Variants in PRR27 observed in about 807,000 individuals in gnomAD.
PRR27 encodes proline-rich protein 27.
A neutral mutation model predicts 16.8 loss-of-function variants in PRR27; 12 were observed. The ratio of observed to expected loss-of-function variants is 0.71; its 90% CI spans 0.46 to 1.16. PRR27 has a LOEUF of 1.16. Among genes scored for constraint, PRR27 ranks in the 50% most tolerant of loss-of-function variants. The probability of loss-of-function intolerance (pLI) is 0.00; values close to 1 mark genes in which losing one functional copy is unlikely to be tolerated. For missense variants in PRR27, 277 were observed against 273.3 expected, an observed-to-expected ratio of 1.01 and a Z score of -0.10; for synonymous variants, 100 against 98.4, an observed-to-expected ratio of 1.02 and a Z score of -0.10.
chr4:70,158,677 C>CA lies in PRR27; in HGVS notation c.426dup (p.Pro143ThrfsTer5). On this transcript the variant is annotated frameshift_variant, in exon 3 of 5. Transcript: ENST00000344526. LOFTEE classifies it high-confidence loss of function. ...GCTGCAGCTGCACCTCTTACAGCCACACCTGTAGCAGCTGAGCCTGCTGCA... is the reference window on the plus strand; with the variant it reads ...GCTGCAGCTGCACCTCTTACAGCCACAACCTGTAGCAGCTGAGCCTGCTGCA... 1 of 1,613,788 alleles carries CA rather than the reference C, an allele frequency of 6.2e-7. No homozygotes were observed. Among genetic ancestry groups the CA allele is most frequent in the Non-Finnish European group, 8.5e-7 (1 of 1,179,912 alleles).
chr4:70,155,418 G>A (rs968930688), intron 1 of PRR27, among the ~76,000 whole-genome samples: 1 of 151,302 alleles, frequency 6.6e-6, no homozygotes, highest in Admixed American at 6.6e-5. Context: ...AGGCTGGAGT[G>A]CAGTGGCGCG....
chr4:70,161,213 T>TATATATATATATATACCTGTATAC (rs1728643152), intron 3 of PRR27, among the ~76,000 whole-genome samples: 1 of 34,610 alleles, frequency 2.9e-5, no homozygotes, highest in Non-Finnish European at 8.7e-5. Context: ...TATACATATA[T>TATATATATATATATACCTGTATAC]ATATATATAT....
chr4:70,158,412 C>T lies in PRR27; in HGVS notation c.160C>T (p.Arg54Cys), dbSNP rs147899116. Residue 54 changes from arginine (R) to cysteine (C), a missense_variant, in exon 3 of 5, where the codon CGC becomes TGC. Transcript: ENST00000344526. ...GAATTTACCACCTCCTCTTTATTAT[C>T]GCCCAGTGAATACAGTCCCCAGTTA... is the stretch of plus-strand genomic sequence containing the variant. Reference protein sequence around the residue: ...IRNLPPPLYYRPVNTVPSYPG... With the variant: ...IRNLPPPLYYCPVNTVPSYPG... 12 of 1,613,590 alleles carry T rather than the reference C, an allele frequency of 7.4e-6. No homozygotes were observed. The highest frequency in any genetic ancestry group is 5.3e-5 in the African/African-American group (4 of 74,870).
rs1408228186 is a variant in PRR27 at position 70,160,439 on chromosome 4, C to CTGTGTGTGTGTGTG, written c.649-1146_649-1145insGTGTGTGTGTGTGT. ...TCTCTCTCTCTCTCTCTCTCTCTCTCTCTCTGTGTGTGTGTGTGTGTGTGT... is the reference window on the plus strand; with the variant it reads ...TCTCTCTCTCTCTCTCTCTCTCTCTCTGTGTGTGTGTGTGTCTCTGTGTGTGTGTGTGTGTGTGT... On this transcript the variant is annotated intron_variant, in intron 3 of 4. Coordinates refer to ENST00000344526, the MANE Select transcript of PRR27 (RefSeq NM_214711.4). 5.6e-3 allele frequency among the ~76,000 whole-genome samples: 491 copies of CTGTGTGTGTGTGTG among 87,266 alleles called. 4 individuals carry two copies. Among genetic ancestry groups the CTGTGTGTGTGTGTG allele is most frequent in the African/African-American group, 0.016 (392 of 24,836 alleles). 57.2% of individuals were successfully genotyped at this position (87,266 alleles called of 152,430 possible).
rs1448933842 is a variant in PRR27, at chr4:70,158,301, A to C, written c.76-27A>C. ...TATATAGACAGGACAAATACAATCA[A>C]CTTCGACTTCTTTGTTTCTCCTTTA... On this transcript the variant is annotated intron_variant, in intron 2 of 4. Transcript: ENST00000344526. 4.7e-6 allele frequency: 7 copies of C among 1,505,128 alleles called. No homozygotes were observed. The South Asian group carries it at 7.0e-5, about 15-fold the overall frequency. 93.2% of individuals were successfully genotyped at this position (1,505,128 alleles called of 1,614,324 possible).
Position 70,161,312 on chromosome 4 carries a change from A to G in PRR27, c.649-274A>G, listed in dbSNP as rs555225274. ...TAAAAAGAAATAGAACCTGATAAGA[A>G]GGGACCTTGAAAACACTGCTCAATA... On this transcript the variant is annotated intron_variant, in intron 3 of 4. Transcript: ENST00000344526. Among the ~76,000 whole-genome samples, 5 of 150,998 alleles carry G rather than the reference A, an allele frequency of 3.3e-5. No individual in the cohort carries two copies. In the South Asian group the frequency reaches 1.0e-3, roughly 31 times the overall value.
rs751202058 is a variant in PRR27 at position 70,165,809 on chromosome 4, G to A, written c.*3148G>A. 2.6e-5 allele frequency: 4 copies of A among 151,960 alleles called. No individual in the cohort carries two copies. The highest frequency in any genetic ancestry group is 5.9e-5 in the Non-Finnish European group (4 of 67,932). The allele number at this position is 151,960 out of a possible 1,614,324, so 9.4% of individuals were successfully genotyped here. A position where few individuals can be genotyped will look rare whatever the true frequency, so the allele number is the denominator to read the frequency against. ...ACTTTCTACAGACAGGTAACTATTCGCATTTACGATTAAGAAATGTTCACA... is the reference window on the plus strand; with the variant it reads ...ACTTTCTACAGACAGGTAACTATTCACATTTACGATTAAGAAATGTTCACA... On this transcript the variant is annotated 3_prime_UTR_variant, in exon 5 of 5. Transcript: ENST00000344526.
chr4:70,157,984 A>G (rs1245840313), intron 2 of PRR27, among the ~76,000 whole-genome samples: 1 of 152,166 alleles, frequency 6.6e-6, no homozygotes, highest in African/African-American at 2.4e-5. Flanking sequence ...GGTGCAGAGA[A>G]GAAGGCCCGG....
chr4:70,160,731 C>T (rs1344621145), intron 3 of PRR27, among the ~76,000 whole-genome samples: 4 of 69,714 alleles, frequency 5.7e-5, no homozygotes, highest in Admixed American at 2.2e-4. Flanking sequence ...TTTAGAAAAA[C>T]AATTGTTTTC....
chr4:70,157,268 T>G (rs940555942), intron 2 of PRR27, among the ~76,000 whole-genome samples: 1 of 151,940 alleles, frequency 6.6e-6, no homozygotes, highest in Non-Finnish European at 1.5e-5. Context: ...AAAGAAACCT[T>G]GTCTGTTTTC....
chr4:70,157,780 A>T (rs879321287), intron 2 of PRR27, among the ~76,000 whole-genome samples: 2 of 152,134 alleles, frequency 1.3e-5, no homozygotes, highest in Non-Finnish European at 2.9e-5. Flanking sequence ...CGGCCTCCCA[A>T]TCTGCTCACC....
chr4:70,155,370 GT>G (rs113912464), intron 1 of PRR27, among the ~76,000 whole-genome samples: 89 of 143,328 alleles, frequency 6.2e-4, no homozygotes, highest in Admixed American at 7.0e-4. Context: ...TATGTTTGTG[GT>G]TTTTTTTTTT....
rs1416649197 is a variant in PRR27 at position 70,163,306 on chromosome 4, A to G, written c.*645A>G. Reference sequence around the variant, plus strand: ...TGTCATCCCTAACAGAAATGGAGGAATAGCCTCTTTTTTTTTTTTTTTTTT... The same window carrying G: ...TGTCATCCCTAACAGAAATGGAGGAGTAGCCTCTTTTTTTTTTTTTTTTTT... On this transcript the variant is annotated 3_prime_UTR_variant, in exon 5 of 5. Coordinates refer to ENST00000344526, the MANE Select transcript of PRR27 (RefSeq NM_214711.4). The G allele has an allele frequency of 2.1e-5, 3 of 145,006 alleles. No individual in the cohort carries two copies. Among genetic ancestry groups the G allele is most frequent in the Non-Finnish European group, 4.5e-5 (3 of 66,946 alleles). The allele number at this position is 145,006 out of a possible 1,614,324, so 9.0% of individuals were successfully genotyped here. A position where few individuals can be genotyped will look rare whatever the true frequency, so the allele number is the denominator to read the frequency against.
rs1406770960 is a variant in PRR27 at position 70,165,474 on chromosome 4, T to C, written c.*2813T>C. 1 of 152,118 alleles carries C rather than the reference T, an allele frequency of 6.6e-6. No homozygotes were observed. The highest frequency in any genetic ancestry group is 1.5e-5 in the Non-Finnish European group (1 of 67,974). The allele number at this position is 152,118 out of a possible 1,614,324, so 9.4% of individuals were successfully genotyped here. On this transcript the variant is annotated 3_prime_UTR_variant, in exon 5 of 5. Transcript: ENST00000344526. Reference sequence around the variant, plus strand: ...ATGAATCCACCTTCTTCCTTATCTGTAGAGTTAAAAACTACTTAGTGGATT... The same window carrying C: ...ATGAATCCACCTTCTTCCTTATCTGCAGAGTTAAAAACTACTTAGTGGATT...
intron 2 of PRR27, 37 bp downstream of exon 2, chr4:70,156,114 T>A (rs1194343802): frequency 8.5e-7 from 1 of 1,174,938 alleles, no homozygotes; most frequent in Non-Finnish European, 1.2e-6. Flanking sequence ...AGTATATTTG[T>A]TTTTATCTTA....
intron 2 of PRR27, 125 bp downstream of exon 2, chr4:70,156,202 G>C (rs1031390213): frequency 2.1e-6 from 1 of 482,662 alleles, no homozygotes; most frequent in African/African-American, 2.0e-5. Context: ...TAAAATAATA[G>C]TGCTATTAAA....
At chr4:70,161,925 C>T (rs1011544442) in intron 4 of PRR27, among the ~76,000 whole-genome samples, 5 of 152,072 alleles carry the variant, frequency 3.3e-5, no homozygotes, top group African/African-American at 9.7e-5. Context: ...AAACCTTTAA[C>T]GTGGGAAAAG....
intron 3 of PRR27, among the ~76,000 whole-genome samples, chr4:70,159,338 C>A (rs1406099588): frequency 6.6e-6 from 1 of 152,134 alleles, no homozygotes. Context: ...TGGTTCTTTG[C>A]AGATTATTAT....
rs1728720000 is a variant in PRR27 at position 70,164,423 on chromosome 4, T to C, written c.*1762T>C. On this transcript the variant is annotated 3_prime_UTR_variant, in exon 5 of 5. Coordinates refer to ENST00000344526, the MANE Select transcript of PRR27 (RefSeq NM_214711.4). ...ATTGGATCAGAATATTACTGTTATG[T>C]ATAGCCATGAGGACATGGTCTCAAA... is the stretch of plus-strand genomic sequence containing the variant. 1 of 152,208 alleles carries C rather than the reference T, an allele frequency of 6.6e-6. No homozygotes were observed. The highest frequency in any genetic ancestry group is 2.4e-5 in the African/African-American group (1 of 41,452). 9.4% of individuals were successfully genotyped at this position (152,208 alleles called of 1,614,324 possible). A position where few individuals can be genotyped will look rare whatever the true frequency, so the allele number is the denominator to read the frequency against.
Sources: allele counts gnomAD v4.1 joint callset (sites outside exome capture counted in the v4.1 genomes callset), GRCh38; gene constraint gnomAD v4.1.1; transcripts MANE v1.5; gene names NCBI Gene and HGNC (gene_info 2026-07-23, HGNC 2026-07-21).